The following EPB41 variants were observed in gnomAD, a reference collection of about 807,000 sequenced individuals.
EPB41 encodes erythrocyte membrane protein band 4.1.
Under a neutral mutation model 108.0 loss-of-function variants are expected in EPB41, and 65 were observed. That is an observed-to-expected ratio of 0.60 (90% CI 0.49 to 0.74). The LOEUF (loss-of-function observed/expected upper bound fraction) is 0.74, where lower values mean the gene tolerates loss of function less well. Ranked by LOEUF, EPB41 falls within the 30% of genes least tolerant of loss-of-function variation. EPB41 has a pLI of 0.00. For missense variants in EPB41, 875 were observed against 1,037.0 expected (o/e 0.84, Z 2.15); for synonymous variants, 336 against 358.9 (o/e 0.94, Z 0.72).
intron 4 of EPB41, among the ~76,000 whole-genome samples, chr1:29,006,383 C>A (rs2096402057): frequency 6.6e-6 from 1 of 151,828 alleles, no homozygotes; most frequent in Non-Finnish European, 1.5e-5. Context: ...ACTACAGGCG[C>A]CCGCCACCCA....
At chr1:28,957,605 A>G (rs994579723) in intron 1 of EPB41, among the ~76,000 whole-genome samples, 1 of 152,126 alleles carries the variant, frequency 6.6e-6, no homozygotes, top group Non-Finnish European at 1.5e-5. Flanking sequence ...AGGTTTCACT[A>G]TATTGGTCAG....
At chr1:29,037,300 T>A (rs1335506224) in intron 10 of EPB41, among the ~76,000 whole-genome samples, 1 of 151,906 alleles carries the variant, frequency 6.6e-6, no homozygotes, top group Non-Finnish European at 1.5e-5. Flanking sequence ...CAGGCTGGTC[T>A]CGAACTCCTG....
intron 11 of EPB41, among the ~76,000 whole-genome samples, chr1:29,046,317 C>T (rs1479530163): frequency 1.3e-5 from 2 of 151,868 alleles, no homozygotes; most frequent in South Asian, 2.1e-4. Flanking sequence ...TTAGTAGAGA[C>T]GAGGTTTCAC....
intron 16 of EPB41, among the ~76,000 whole-genome samples, chr1:29,066,459 G>A (rs1385529409): frequency 6.6e-6 from 1 of 152,034 alleles, no homozygotes; most frequent in Non-Finnish European, 1.5e-5. Flanking sequence ...CTGAATAAAT[G>A]AATCTATTAA....
chr1:28,911,074 CA>C (rs2148004054), upstream of EPB41: 1 of 985,290 alleles, frequency 1.0e-6, no homozygotes, highest in East Asian at 1.1e-4. Flanking sequence ...ACCTGGTTTG[CA>C]GAAGTCTGAG....
Position 29,115,122 on chromosome 1 carries a change from G to A in EPB41, c.2497-577G>A, listed in dbSNP as rs1322749088. 6.6e-6 allele frequency among the ~76,000 whole-genome samples: 1 copy of A among 152,140 alleles called. No individual in the cohort carries two copies. The highest frequency in any genetic ancestry group is 1.5e-5 in the Non-Finnish European group (1 of 68,030). The stretch of plus-strand genomic sequence containing the variant: ...TAATAGATAATATAGGCCAGGTGCA[G>A]TGGCTCACACCTGTCATCCCAGCAC... On this transcript the variant is annotated intron_variant, in intron 19 of 20. Transcript: ENST00000343067. This position sits in a 1 kb window ranked among gnomAD's most constrained non-coding sequence, Gnocchi z 4.4.
At chr1:29,102,514 C>T (rs1665771563) in intron 17 of EPB41, among the ~76,000 whole-genome samples, 1 of 152,128 alleles carries the variant, frequency 6.6e-6, no homozygotes. Context: ...GGGAGGGAAA[C>T]TGACTTTTCA....
chr1:29,057,045 T>G (rs1294544025), intron 12 of EPB41, among the ~76,000 whole-genome samples: 1 of 152,096 alleles, frequency 6.6e-6, no homozygotes, highest in African/African-American at 2.4e-5. Context: ...AACTTGTTAA[T>G]GACCACACAG....
intron 1 of EPB41, among the ~76,000 whole-genome samples, chr1:28,968,245 C>T (rs2095410013): frequency 6.6e-6 from 1 of 151,858 alleles, no homozygotes; most frequent in Non-Finnish European, 1.5e-5. Context: ...GTCCCAGCTA[C>T]TCGGGAGGCT....
chr1:28,971,022 A>G (rs1038755378), intron 1 of EPB41, among the ~76,000 whole-genome samples: 1 of 150,752 alleles, frequency 6.6e-6, no homozygotes, highest in African/African-American at 2.4e-5. Context: ...TAATTTTTGT[A>G]TTTTCAGTAG....
At chr1:29,070,343 G>T in intron 16 of EPB41, 1 of 1,230,436 alleles carries the variant, frequency 8.1e-7, no homozygotes, top group South Asian at 4.1e-5. Flanking sequence ...TGTCTTTCTT[G>T]ATCTTCTACT....
intron 4 of EPB41, among the ~76,000 whole-genome samples, chr1:29,007,605 C>A (rs906088055): frequency 2.0e-5 from 3 of 152,116 alleles, no homozygotes; most frequent in African/African-American, 7.2e-5. Flanking sequence ...CTGTTCTTAC[C>A]AAGATAAATC....
chr1:29,069,414 A>C (rs1421390108), intron 16 of EPB41: 8 of 1,227,916 alleles, frequency 6.5e-6, no homozygotes, highest in Non-Finnish European at 6.1e-6. Context: ...CATTTGCTTA[A>C]AGTAATGTAT....
chr1:28,987,491 G>A lies in EPB41; in HGVS notation c.54G>A (p.Gln18=). Residue 18 remains glutamine (Q), a synonymous_variant, in exon 2 of 21, where the codon CAG becomes CAA. Transcript: ENST00000343067. ...AGGCCGAAAATTCACAGCACCAACA[G>A]AAGGAAGAGGGTGAGGAAGCCATAA... ...VTEAENSQHQ[Q]KEEGEEAINS... 6.2e-7 allele frequency: 1 copy of A among 1,614,136 alleles called. No individual in the cohort carries two copies. Among genetic ancestry groups the A allele is most frequent in the Non-Finnish European group, 8.5e-7 (1 of 1,180,030 alleles).
chr1:29,057,233 A>T (rs1645639685), intron 12 of EPB41, among the ~76,000 whole-genome samples: 1 of 151,802 alleles, frequency 6.6e-6, no homozygotes, highest in African/African-American at 2.4e-5. Flanking sequence ...AAAATTAGCC[A>T]GGCATGGTGG....
upstream of EPB41, among the ~76,000 whole-genome samples, chr1:28,912,590 C>T (rs2092312405): frequency 6.6e-6 from 1 of 152,030 alleles, no homozygotes; most frequent in Non-Finnish European, 1.5e-5. Flanking sequence ...AAGTCCTTTA[C>T]ATATTTTAAC....
At chr1:29,087,551 G>A (rs1419395250) in intron 16 of EPB41, among the ~76,000 whole-genome samples, 2 of 151,566 alleles carry the variant, frequency 1.3e-5, no homozygotes, top group Non-Finnish European at 2.9e-5. Context: ...TATTAGAGAC[G>A]GGGTTTCTCC....
At chr1:28,890,140 C>T (rs545303443) in intron 1 of EPB41, among the ~76,000 whole-genome samples, 25 of 152,004 alleles carry the variant, frequency 1.6e-4, no homozygotes, top group Non-Finnish European at 3.2e-4. Flanking sequence ...TGGATTCAAG[C>T]GATTCTCTTG....
In EPB41 at chr1:29,070,147, A is replaced by G. The variant is rs550258159; in HGVS notation, c.2184+4989A>G. 5.4e-5 allele frequency: 20 copies of G among 371,538 alleles called. No homozygotes were observed. The South Asian group carries it at 2.8e-3, about 52-fold the overall frequency. 23.0% of individuals were successfully genotyped at this position (371,538 alleles called of 1,614,324 possible). A position where few individuals can be genotyped will look rare whatever the true frequency, so the allele number is the denominator to read the frequency against. ...GTGATTCCTTGAACTTTCCGTTCTA[A>G]TGTTCACTCACTCAAAAAGGTATCT... On this transcript the variant is annotated intron_variant, in intron 16 of 20. Transcript: ENST00000343067.
Sources: allele counts gnomAD v4.1 joint callset (sites outside exome capture counted in the v4.1 genomes callset), GRCh38; gene constraint gnomAD v4.1.1; non-coding constraint Gnocchi (gnomAD v3.1); transcripts MANE v1.5; gene names NCBI Gene and HGNC (gene_info 2026-07-23, HGNC 2026-07-21).